Variants in PDGFD observed in about 807,000 individuals in gnomAD.
PDGFD encodes platelet derived growth factor D.
PDGFD carries 30 observed loss-of-function variants against 44.7 expected under a neutral mutation model. The observed-to-expected ratio is 0.67, with a 90% CI of 0.50 to 0.91. The LOEUF is 0.91. PDGFD is among the 40% of genes least tolerant of loss of function. The pLI, the probability that PDGFD is intolerant of heterozygous loss-of-function variation, is 0.00. For synonymous variants in PDGFD, 173 were observed against 168.4 expected (o/e 1.03, Z -0.21); for missense variants, 445 against 457.8 (o/e 0.97, Z 0.25).
intron 1 of PDGFD, among the ~76,000 whole-genome samples, chr11:104,140,264 AAG>A (rs1168944477): frequency 3.9e-5 from 6 of 152,184 alleles, no homozygotes; most frequent in African/African-American, 1.4e-4. Flanking sequence ...CCATAAAACA[AAG>A]AGCAAATATA....
At chr11:104,021,849 G>C (rs1246128295) in intron 1 of PDGFD, among the ~76,000 whole-genome samples, 1 of 152,140 alleles carries the variant, frequency 6.6e-6, no homozygotes, top group East Asian at 1.9e-4. Flanking sequence ...GGATAGCATT[G>C]GTGGGGGAAT....
At chr11:104,124,878 A>G (rs10895576) in intron 1 of PDGFD, among the ~76,000 whole-genome samples, 20,921 of 152,078 alleles carry the variant, frequency 0.14, 1,604 homozygotes, top group East Asian at 0.29. Context: ...ACTATTCAAG[A>G]AGAATATAAA....
At chr11:104,008,752 C>A (rs1421651725) in intron 1 of PDGFD, among the ~76,000 whole-genome samples, 1 of 151,970 alleles carries the variant, frequency 6.6e-6, no homozygotes, top group Non-Finnish European at 1.5e-5. Flanking sequence ...AAATTAAACT[C>A]CTGAGGCAAA....
At chr11:104,127,310 C>T (rs1861855456) in intron 1 of PDGFD, among the ~76,000 whole-genome samples, 1 of 152,050 alleles carries the variant, frequency 6.6e-6, no homozygotes, top group Non-Finnish European at 1.5e-5. Context: ...ACCCATCGAC[C>T]TTCTGATTAT....
At chr11:104,120,216 C>T (rs1861752203) in intron 1 of PDGFD, among the ~76,000 whole-genome samples, 1 of 151,442 alleles carries the variant, frequency 6.6e-6, no homozygotes, top group Non-Finnish European at 1.5e-5. Flanking sequence ...CTATCATCAT[C>T]CCAATCAAAG....
At chr11:104,067,894 CTT>C (rs1353269683) in intron 1 of PDGFD, among the ~76,000 whole-genome samples, 1 of 152,060 alleles carries the variant, frequency 6.6e-6, no homozygotes, top group African/African-American at 2.4e-5. Context: ...AATTAAAACA[CTT>C]TTGCTTTATT....
intron 1 of PDGFD, among the ~76,000 whole-genome samples, chr11:104,078,125 T>G (rs1428737297): frequency 6.6e-6 from 1 of 152,200 alleles, no homozygotes; most frequent in Non-Finnish European, 1.5e-5. Context: ...ATTCTCAGTG[T>G]CCTCTATTGA....
At chr11:104,151,743 TA>T (rs1305247552) in intron 1 of PDGFD, among the ~76,000 whole-genome samples, 1 of 152,130 alleles carries the variant, frequency 6.6e-6, no homozygotes, top group Non-Finnish European at 1.5e-5. Flanking sequence ...GTCCTAAAAT[TA>T]AAAGTTGCTT....
At chr11:104,051,064 C>A (rs1860527127) in intron 1 of PDGFD, among the ~76,000 whole-genome samples, 1 of 151,720 alleles carries the variant, frequency 6.6e-6, no homozygotes, top group African/African-American at 2.4e-5. Flanking sequence ...TAGATTATAG[C>A]CAAGAAAAGA....
intron 1 of PDGFD, among the ~76,000 whole-genome samples, chr11:104,138,646 G>C (rs1046926424): frequency 3.9e-5 from 6 of 152,152 alleles, no homozygotes; most frequent in Non-Finnish European, 5.9e-5. Flanking sequence ...TAATAAACAT[G>C]ATATGGTTTC....
At chr11:104,045,727 A>G (rs1209075790) in intron 1 of PDGFD, among the ~76,000 whole-genome samples, 2 of 143,938 alleles carry the variant, frequency 1.4e-5, no homozygotes, top group Non-Finnish European at 3.1e-5. Context: ...AACACAAATA[A>G]TGATGTTAGT....
intron 3 of PDGFD, among the ~76,000 whole-genome samples, chr11:103,951,574 T>C (rs1858757534): frequency 6.6e-6 from 1 of 152,220 alleles, no homozygotes; most frequent in African/African-American, 2.4e-5. Flanking sequence ...TCTGATTTGA[T>C]AACCTACCTT....
intron 3 of PDGFD, among the ~76,000 whole-genome samples, chr11:103,972,075 G>A (rs1859113147): frequency 6.6e-6 from 1 of 152,140 alleles, no homozygotes; most frequent in African/African-American, 2.4e-5. Flanking sequence ...TCAAACCTCT[G>A]TCTCTTAAAA....
intron 3 of PDGFD, among the ~76,000 whole-genome samples, chr11:103,979,758 T>C (rs1303487974): frequency 1.3e-5 from 2 of 152,138 alleles, no homozygotes; most frequent in Non-Finnish European, 2.9e-5. Context: ...AAGATCTGCT[T>C]TGCCATTCTG....
At chr11:103,919,163 G>A (rs560718626) in intron 6 of PDGFD, among the ~76,000 whole-genome samples, 1 of 152,312 alleles carries the variant, frequency 6.6e-6, no homozygotes, top group South Asian at 2.1e-4. Flanking sequence ...TAAATGGAGT[G>A]TGACTGAGCC....
chr11:104,127,839 G>GT (rs1861861712), intron 1 of PDGFD, among the ~76,000 whole-genome samples: 1 of 152,124 alleles, frequency 6.6e-6, no homozygotes, highest in South Asian at 2.1e-4. Context: ...GCACAGAAAT[G>GT]TATGGAACTT....
intron 1 of PDGFD, among the ~76,000 whole-genome samples, chr11:104,117,730 T>C (rs753105002): frequency 1.9e-4 from 29 of 151,900 alleles, no homozygotes; most frequent in Admixed American, 7.2e-4. Context: ...AAAGAAACTA[T>C]AGATGACACA....
chr11:104,151,496 G>A (rs544883267), intron 1 of PDGFD, among the ~76,000 whole-genome samples: 51 of 152,096 alleles, frequency 3.4e-4, no homozygotes, highest in Non-Finnish European at 7.4e-4. Context: ...TGGAAAATAT[G>A]AGACTTCGTT....
In PDGFD at chr11:104,095,285, G is replaced by GT. The variant is rs562443543; in HGVS notation, c.124+68518dup. 4.9e-3 allele frequency among the ~76,000 whole-genome samples: 734 copies of GT among 149,584 alleles called. 11 individuals are homozygous for GT. The highest frequency in any genetic ancestry group is 0.013 in the South Asian group (62 of 4,690). ...ATCTCCATAATGGAAAGAGTTTGACGTTTTTTTTTCAATACTGTATACGCA... is the reference window on the plus strand; with the variant it reads ...ATCTCCATAATGGAAAGAGTTTGACGTTTTTTTTTTCAATACTGTATACGCA... On this transcript the variant is annotated intron_variant, in intron 1 of 6. Coordinates refer to ENST00000393158, the MANE Select transcript of PDGFD (RefSeq NM_025208.5).
Sources: allele counts gnomAD v4.1 joint callset (sites outside exome capture counted in the v4.1 genomes callset), GRCh38; gene constraint gnomAD v4.1.1; transcripts MANE v1.5; gene names NCBI Gene and HGNC (gene_info 2026-07-23, HGNC 2026-07-21).